The following PDZD2 variants were observed in gnomAD, a reference collection of about 807,000 sequenced individuals.
PDZD2 encodes the protein PDZ domain containing 2, also known as PDZ domain-containing protein 2.
PDZD2 carries 90 observed loss-of-function variants against 220.7 expected under a neutral mutation model. The ratio of observed to expected loss-of-function variants is 0.41; its 90% CI spans 0.34 to 0.49. The LOEUF is 0.49. Among genes scored for constraint, PDZD2 ranks in the 20% least tolerant of loss-of-function variants. The pLI, the probability that PDZD2 is intolerant of heterozygous loss-of-function variation, is 0.28. For missense variants in PDZD2, 3,174 were observed against 3,608.5 expected, an observed-to-expected ratio of 0.88 and a Z score of 3.08; for synonymous variants, 1,375 against 1,450.5, an observed-to-expected ratio of 0.95 and a Z score of 1.18.
At chr5:32,041,416 G>C (rs1389902188) in intron 7 of PDZD2, among the ~76,000 whole-genome samples, 1 of 149,772 alleles carries the variant, frequency 6.7e-6, no homozygotes, top group South Asian at 2.1e-4. Flanking sequence ...GGGAAACGTG[G>C]GGAAAAGAGA....
rs1431388009 is a variant in PDZD2, at chr5:32,088,069, G to T, written c.4621G>T (p.Gly1541Cys). 1 of 1,613,990 alleles carries T rather than the reference G, an allele frequency of 6.2e-7. No homozygotes were observed. Among genetic ancestry groups the T allele is most frequent in the Non-Finnish European group, 8.5e-7 (1 of 1,179,970 alleles). The change falls in exon 20 of 25, where the codon GGT (glycine) becomes TGT (cysteine). Residue 1541 changes from glycine to cysteine, a missense_variant. Around this residue, in one of 4 missense-constraint regions of PDZD2, gnomAD observed 1,861 missense variants for 2,001.0 expected, o/e 0.93. Transcript: ENST00000438447. The surrounding 1 kb of genome is among the most constrained non-coding windows in gnomAD (Gnocchi z 4.6). Reference sequence around the variant, plus strand: ...AGACAGCACCTCCCTATCAGGCCTGGGTGACAGCACGGAGCCGTCTCTGTC... The same window carrying T: ...AGACAGCACCTCCCTATCAGGCCTGTGTGACAGCACGGAGCCGTCTCTGTC... Reference protein sequence around the residue: ...HEDSTSLSGLGDSTEPSLSSM... With the variant: ...HEDSTSLSGLCDSTEPSLSSM...
intron 12 of PDZD2, among the ~76,000 whole-genome samples, chr5:32,058,710 A>C (rs112782940): frequency 5.6e-4 from 84 of 150,850 alleles, no homozygotes; most frequent in African/African-American, 1.8e-3. Flanking sequence ...GGTGAGCTTA[A>C]GTCTGGGGCT....
At chr5:31,956,341 T>G (rs1282601614) in intron 2 of PDZD2, among the ~76,000 whole-genome samples, 1 of 150,998 alleles carries the variant, frequency 6.6e-6, no homozygotes, top group African/African-American at 2.4e-5. Context: ...TAAGAGTTTT[T>G]TTTTTTTTTT....
At chr5:32,104,127 G>C (rs1353544156) in intron 24 of PDZD2, among the ~76,000 whole-genome samples, 1 of 152,082 alleles carries the variant, frequency 6.6e-6, no homozygotes, top group East Asian at 1.9e-4. Context: ...TCATTATCTG[G>C]CCGGGCATGG....
intron 1 of PDZD2, among the ~76,000 whole-genome samples, chr5:31,689,747 TGCCCTCTGG>T (rs1247116164): frequency 6.6e-6 from 1 of 152,104 alleles, no homozygotes; most frequent in East Asian, 1.9e-4. Context: ...TCTGGTGCAC[TGCCCTCTGG>T]GCCAGGGAAA....
In PDZD2 at chr5:31,643,553, T is replaced by C. The variant is rs116339582; in HGVS notation, c.-361+4116T>C. ...CAGAAAAACAGAGAACTTGCCCCAT[T>C]AGACAACCAGAACTAGAGTCACAAA... On this transcript the variant is annotated intron_variant, in intron 1 of 24. Transcript: ENST00000438447. Among the ~76,000 whole-genome samples, 751 of 152,266 alleles carry C rather than the reference T, an allele frequency of 4.9e-3. 6 individuals are homozygous for C. The highest frequency in any genetic ancestry group is 0.017 in the African/African-American group (709 of 41,554).
chr5:31,917,610 G>A (rs1365195405), intron 2 of PDZD2, among the ~76,000 whole-genome samples: 1 of 152,196 alleles, frequency 6.6e-6, no homozygotes, highest in Non-Finnish European at 1.5e-5. Context: ...AGAGCTCAGA[G>A]TAGAGGTGCC....
intron 1 of PDZD2, among the ~76,000 whole-genome samples, chr5:31,693,264 C>T (rs1451437503): frequency 2.1e-5 from 2 of 93,182 alleles, no homozygotes; most frequent in South Asian, 6.8e-4. Context: ...TTTTTTGAGA[C>T]GGAGTCTCAC....
chr5:31,987,247 A>C (rs1202122984), intron 3 of PDZD2, among the ~76,000 whole-genome samples: 2 of 152,212 alleles, frequency 1.3e-5, no homozygotes, highest in African/African-American at 2.4e-5. Context: ...TGCCAAGCAG[A>C]CAAGTTTATT....
chr5:32,042,445 C>T (rs537193787), intron 7 of PDZD2, among the ~76,000 whole-genome samples: 7 of 151,506 alleles, frequency 4.6e-5, no homozygotes, highest in Non-Finnish European at 1.0e-4. Flanking sequence ...TGGTGGCATG[C>T]GCCTATAATC....
intron 1 of PDZD2, among the ~76,000 whole-genome samples, chr5:31,693,989 T>A (rs77331387): frequency 0.022 from 3,397 of 152,302 alleles, 129 homozygotes; most frequent in African/African-American, 0.078. Flanking sequence ...GGATCATCAT[T>A]AACTGCGTCA....
At chr5:31,765,590 G>A (rs1751951551) in intron 1 of PDZD2, among the ~76,000 whole-genome samples, 1 of 152,178 alleles carries the variant, frequency 6.6e-6, no homozygotes, top group Admixed American at 6.5e-5. Context: ...TGAGAAAGCT[G>A]TGTAGCCTGA....
At chr5:31,778,387 C>A (rs1752840114) in intron 1 of PDZD2, among the ~76,000 whole-genome samples, 1 of 152,188 alleles carries the variant, frequency 6.6e-6, no homozygotes, top group Admixed American at 6.5e-5. Context: ...CTGCTGCTCA[C>A]TCTTTGGGTC....
chr5:31,766,553 A>G (rs2150192931), intron 1 of PDZD2, among the ~76,000 whole-genome samples: 1 of 152,040 alleles, frequency 6.6e-6, no homozygotes. Flanking sequence ...CCATCCCTGC[A>G]TAATTTTTTT....
chr5:31,964,907 G>A (rs1338265664), intron 2 of PDZD2, among the ~76,000 whole-genome samples: 3 of 151,982 alleles, frequency 2.0e-5, no homozygotes, highest in Admixed American at 1.3e-4. Context: ...TAGTAGAGAC[G>A]GGGTTTACAC....
At chr5:32,064,498 C>T (rs111551896) in intron 14 of PDZD2, among the ~76,000 whole-genome samples, 3,542 of 152,152 alleles carry the variant, frequency 0.023, 126 homozygotes, top group African/African-American at 0.081. Context: ...CTGCCTTGGC[C>T]TCCCAAAGTG....
At chr5:31,861,195 A>G (rs1253183416) in intron 2 of PDZD2, among the ~76,000 whole-genome samples, 1 of 152,092 alleles carries the variant, frequency 6.6e-6, no homozygotes, top group Non-Finnish European at 1.5e-5. Context: ...TGTGCAGGAG[A>G]GAGTAAGTAG....
At chr5:31,933,128 C>T (rs905207441) in intron 2 of PDZD2, among the ~76,000 whole-genome samples, 1 of 152,120 alleles carries the variant, frequency 6.6e-6, no homozygotes, top group African/African-American at 2.4e-5. Context: ...CCAGGCTGGT[C>T]TCGAACTCCT....
chr5:31,965,897 C>CAA (rs371820361), intron 2 of PDZD2, among the ~76,000 whole-genome samples: 1 of 148,846 alleles, frequency 6.7e-6, no homozygotes, highest in Non-Finnish European at 1.5e-5. Context: ...ACTCCGTCTC[C>CAA]AAAAAAAAAC....
Sources: allele counts gnomAD v4.1 joint callset (sites outside exome capture counted in the v4.1 genomes callset), GRCh38; gene constraint gnomAD v4.1.1; regional missense constraint gnomAD v4.1.1; non-coding constraint Gnocchi (gnomAD v3.1); transcripts MANE v1.5; gene names NCBI Gene and HGNC (gene_info 2026-07-23, HGNC 2026-07-21).